Variants in GALE observed in about 807,000 individuals in gnomAD.
GALE encodes the protein UDP-glucose 4-epimerase.
A neutral mutation model predicts 44.1 loss-of-function variants in GALE; 32 were observed. The observed-to-expected ratio is 0.73, with a 90% CI of 0.55 to 0.97. The LOEUF is 0.97. GALE is among the 50% of genes least tolerant of loss of function. GALE has a pLI of 0.00. For synonymous variants in GALE, 182 were observed against 183.5 expected, an observed-to-expected ratio of 0.99 and a Z score of 0.06; for missense variants, 423 against 455.6, an observed-to-expected ratio of 0.93 and a Z score of 0.65.
In GALE at chr1:23,795,769, C is replaced by T. The variant is rs1638926360; in HGVS notation, c.*180G>A. ...CCTGTGGAAGATAAGAGTTAGAGAC[C>T]TCGGCCTCCTGGTCAGTGGAGCCCT... On this transcript the variant is annotated 3_prime_UTR_variant, in exon 12 of 12. Coordinates refer to ENST00000617979, the MANE Select transcript of GALE (RefSeq NM_001008216.2). The T allele has an allele frequency of 3.1e-6, 2 of 648,782 alleles. No individual in the cohort carries two copies. Among genetic ancestry groups the T allele is most frequent in the Non-Finnish European group, 2.8e-6 (1 of 358,862 alleles). The allele number at this position is 648,782 out of a possible 1,614,324, so 40.2% of individuals were successfully genotyped here.
At position 23,798,983 on chromosome 1, in the gene GALE, C is replaced by CTGT; in HGVS notation, c.22_24dup (p.Thr8dup). On this transcript the variant is annotated inframe_insertion, in exon 3 of 12. Coordinates refer to ENST00000617979, the MANE Select transcript of GALE (RefSeq NM_001008216.2). This position sits in a 1 kb window ranked among gnomAD's most constrained non-coding sequence, Gnocchi z 4.5. Reference sequence around the variant, plus strand: ...TGGCTGCCAATGTAGCCAGCCCCACCTGTTACCAGCACCTTCTCTGCCATG... The same window carrying CTGT: ...TGGCTGCCAATGTAGCCAGCCCCACCTGTTGTTACCAGCACCTTCTCTGCCATG... The CTGT allele has an allele frequency of 6.2e-7, 1 of 1,614,236 alleles. No homozygotes were observed. Among genetic ancestry groups the CTGT allele is most frequent in the Non-Finnish European group, 8.5e-7 (1 of 1,180,040 alleles).
chr1:23,797,563 C>T, intron 6 of GALE, 132 bp downstream of exon 6: 2 of 858,306 alleles, frequency 2.3e-6, no homozygotes, highest in South Asian at 1.4e-5. Context: ...GGGATGGGGC[C>T]CTCCACTGCA....
chr1:23,795,966 A>G lies in GALE; in HGVS notation c.1030T>C (p.Phe344Leu), dbSNP rs755315661. Reference sequence around the variant, plus strand: ...GAGGGTCCTCAGGCTTGCGTGCCAAAGCCTGAAGGATTCTGCTTCTGCCAG... The same window carrying G: ...GAGGGTCCTCAGGCTTGCGTGCCAAGGCCTGAAGGATTCTGCTTCTGCCAG... ...WRWQKQNPSG[F>L]GTQA The change falls in exon 12 of 12, where the codon TTT becomes CTT. Residue 344 changes from phenylalanine (F) to leucine (L), a missense_variant. Transcript: ENST00000617979. 2 of 1,614,060 alleles carry G rather than the reference A, an allele frequency of 1.2e-6. No individual in the cohort carries two copies. Among genetic ancestry groups the G allele is most frequent in the East Asian group, 4.5e-5 (2 of 44,882 alleles).
rs1395317374 is a variant in GALE at position 23,797,166 on chromosome 1, G to A, written c.529-19C>T. 1.3e-6 allele frequency: 2 copies of A among 1,564,502 alleles called. No individual in the cohort carries two copies. Among genetic ancestry groups the A allele is most frequent in the Non-Finnish European group, 1.7e-6 (2 of 1,143,534 alleles). On this transcript the variant is annotated intron_variant, in intron 6 of 11. Transcript: ENST00000617979. Reference sequence around the variant, plus strand: ...TCCAAGTCTGTGGGATGTGGGTCAGGTGGTGAGGCCAGAGGCACAGGCAGC... The same window carrying A: ...TCCAAGTCTGTGGGATGTGGGTCAGATGGTGAGGCCAGAGGCACAGGCAGC...
rs1019655843 is a variant in GALE at position 23,795,849 on chromosome 1, G to T, written c.*100C>A. The T allele has an allele frequency of 6.7e-6, 8 of 1,188,566 alleles. No individual in the cohort carries two copies. In the African/African-American group the frequency reaches 1.2e-4, roughly 18 times the overall value. 73.6% of individuals were successfully genotyped at this position (1,188,566 alleles called of 1,614,324 possible). On this transcript the variant is annotated 3_prime_UTR_variant, in exon 12 of 12. Transcript: ENST00000617979. The stretch of plus-strand genomic sequence containing the variant: ...CCAGCTGGGGTTTGAGGTAGGGGAG[G>T]CCTTGGCTTGGCCCCAGCAGCTCCA...
At chr1:23,799,487 G>T (rs2473382) in intron 1 of GALE, 51 bp from the exon 2 acceptor site, 1 of 271,338 alleles carries the variant, frequency 3.7e-6, no homozygotes, top group South Asian at 3.7e-5. Context: ...GTCGCAGGAA[G>T]GGGTTCTGTC....
At chr1:23,799,166 G>A (rs1639056601) in intron 2 of GALE, 154 bp from the exon 3 acceptor site, 1 of 918,304 alleles carries the variant, frequency 1.1e-6, no homozygotes, top group Admixed American at 2.1e-5. Context: ...GGGCAAGTCT[G>A]GGTACCATCA....
chr1:23,798,350 G>T lies in GALE; in HGVS notation c.238-120C>A. 2.6e-6 allele frequency: 2 copies of T among 779,512 alleles called. No individual in the cohort carries two copies. Among genetic ancestry groups the T allele is most frequent in the Non-Finnish European group, 4.4e-6 (2 of 455,108 alleles). The allele number at this position is 779,512 out of a possible 1,614,324, so 48.3% of individuals were successfully genotyped here. ...TTGACAGTCTCGCTCTGTTGTCCAGGCTGGAGTACAGTGGTGCCATCTCAG... is the reference window on the plus strand; with the variant it reads ...TTGACAGTCTCGCTCTGTTGTCCAGTCTGGAGTACAGTGGTGCCATCTCAG... On this transcript the variant is annotated intron_variant, in intron 4 of 11. Coordinates refer to ENST00000617979, the MANE Select transcript of GALE (RefSeq NM_001008216.2). This position sits in a 1 kb window ranked among gnomAD's most constrained non-coding sequence, Gnocchi z 4.5.
In GALE at chr1:23,796,234, C is replaced by T. The variant is rs137853861; in HGVS notation, c.905G>A (p.Gly302Asp). The T allele has an allele frequency of 9.3e-6, 15 of 1,614,150 alleles. No individual in the cohort carries two copies. The East Asian group carries it at 3.1e-4, about 34-fold the overall frequency. ...IPYKVVARREGDVAACYANPS... is the reference protein window; with the variant it reads ...IPYKVVARREDDVAACYANPS... Reference sequence around the variant, plus strand: ...GTTGGCGTAACAGGCTGCCACATCACCTTCCCGCCGTGCCACCACCTTGTA... The same window carrying T: ...GTTGGCGTAACAGGCTGCCACATCATCTTCCCGCCGTGCCACCACCTTGTA... Residue 302 changes from glycine to aspartate, a missense_variant, in exon 11 of 12, where the codon GGT (glycine) becomes GAT (aspartate). By Grantham distance (94) the Gly-to-Asp change is moderately conservative. Transcript: ENST00000617979. This position sits in a 1 kb window ranked among gnomAD's most constrained non-coding sequence, Gnocchi z 5.2.
At position 23,795,820 on chromosome 1, in the gene GALE, G is replaced by A. The variant is rs1286385337; in HGVS notation, c.*129C>T. ...TGGCCTCATGCCTGGTGGGCTAAGC[G>A]GGCCCAGCTGGGGTTTGAGGTAGGG... On this transcript the variant is annotated 3_prime_UTR_variant, in exon 12 of 12. Coordinates refer to ENST00000617979, the MANE Select transcript of GALE (RefSeq NM_001008216.2). 1.0e-5 allele frequency: 9 copies of A among 883,624 alleles called. No homozygotes were observed. The highest frequency in any genetic ancestry group is 1.7e-5 in the Non-Finnish European group (9 of 539,550). The allele number at this position is 883,624 out of a possible 1,614,324, so 54.7% of individuals were successfully genotyped here. A position where few individuals can be genotyped will look rare whatever the true frequency, so the allele number is the denominator to read the frequency against.
rs201239243 is a variant in GALE at position 23,796,708 on chromosome 1, A to G, written c.784T>C (p.Cys262Arg). The G allele has an allele frequency of 6.2e-7, 1 of 1,612,968 alleles. No homozygotes were observed. Among genetic ancestry groups the G allele is most frequent in the East Asian group, 2.2e-5 (1 of 44,864 alleles). Residue 262 changes from cysteine to arginine, a missense_variant, in exon 9 of 12, where the codon TGT becomes CGT. By Grantham distance (180) the Cys-to-Arg change is radical. Coordinates refer to ENST00000617979, the MANE Select transcript of GALE (RefSeq NM_001008216.2). The surrounding 1 kb of genome is among the most constrained non-coding windows in gnomAD (Gnocchi z 5.2). ...IAALRKLKEQ[C>R]GCRIYNLGTG... ...CCTTCTCTTCCTACCCGGCAGCCAC[A>G]CTGTTCTTTCAGCTTCCTTAAGGCT...
At position 23,797,023 on chromosome 1, in the gene GALE, T is replaced by C. The variant is rs1377890248; in HGVS notation, c.642+11A>G. On this transcript the variant is annotated intron_variant, in intron 7 of 11. Transcript: ENST00000617979. ...CAGGGCCACTCCTCTGTCCCTTCCC[T>C]TTTGCCTTACCTGGGAGACATAAGG... The C allele has an allele frequency of 6.2e-7, 1 of 1,610,964 alleles. No individual in the cohort carries two copies. Among genetic ancestry groups the C allele is most frequent in the Admixed American group, 1.7e-5 (1 of 59,556 alleles).
At position 23,795,815 on chromosome 1, in the gene GALE, T is replaced by C; in HGVS notation, c.*134A>G. ...GCCCTTGGCCTCATGCCTGGTGGGC[T>C]AAGCGGGCCCAGCTGGGGTTTGAGG... On this transcript the variant is annotated 3_prime_UTR_variant, in exon 12 of 12. Coordinates refer to ENST00000617979, the MANE Select transcript of GALE (RefSeq NM_001008216.2). The C allele has an allele frequency of 1.2e-6, 1 of 846,024 alleles. No homozygotes were observed. 52.4% of individuals were successfully genotyped at this position (846,024 alleles called of 1,614,324 possible). A position where few individuals can be genotyped will look rare whatever the true frequency, so the allele number is the denominator to read the frequency against.
chr1:23,797,410 G>A (rs975300946), intron 6 of GALE, among the ~76,000 whole-genome samples: 1 of 152,122 alleles, frequency 6.6e-6, no homozygotes, highest in East Asian at 1.9e-4. Context: ...GTAGAGATGG[G>A]GGTTTTACCA....
At chr1:23,797,982 G>T in intron 5 of GALE, 111 bp from the exon 6 acceptor site, 2 of 1,353,834 alleles carry the variant, frequency 1.5e-6, no homozygotes, top group South Asian at 1.2e-5. Flanking sequence ...ATTTACAGAT[G>T]GGGAAACTGA....
chr1:23,797,994 A>C, intron 5 of GALE, 123 bp from the exon 6 acceptor site: 1 of 1,327,752 alleles, frequency 7.5e-7, no homozygotes, highest in South Asian at 1.2e-5. Flanking sequence ...GGAAACTGAG[A>C]CTGGGAGGTA....
Position 23,798,106 on chromosome 1 carries a change from A to G in GALE, c.351+11T>C, listed in dbSNP as rs746587021. On this transcript the variant is annotated intron_variant, in intron 5 of 11. Transcript: ENST00000617979. This position sits in a 1 kb window ranked among gnomAD's most constrained non-coding sequence, Gnocchi z 4.5. ...CCTCCTAGTGTCTGTGCCCTGTCCC[A>G]TGCCTCTCACCTCCAGAAGCTGGAT... The G allele has an allele frequency of 9.4e-6, 15 of 1,602,082 alleles. No homozygotes were observed. The highest frequency in any genetic ancestry group is 7.7e-6 in the Non-Finnish European group (9 of 1,169,146).
chr1:23,798,658 A>C lies in GALE; in HGVS notation c.194T>G (p.Met65Arg). 1 of 1,613,802 alleles carries C rather than the reference A, an allele frequency of 6.2e-7. No individual in the cohort carries two copies. The highest frequency in any genetic ancestry group is 8.5e-7 in the Non-Finnish European group (1 of 1,179,850). Residue 65 changes from methionine (M) to arginine (R), a missense_variant, in exon 4 of 12, where the codon ATG becomes AGG. Met to Arg is a moderately conservative substitution (Grantham distance 91). Coordinates refer to ENST00000617979, the MANE Select transcript of GALE (RefSeq NM_001008216.2). The surrounding 1 kb of genome is among the most constrained non-coding windows in gnomAD (Gnocchi z 4.5). ...TAGGGCTCCCTGGTCCAAAATGTCC[A>C]TCTCCTCAAACTCCACAGAGCGGCC... ...LTGRSVEFEE[M>R]DILDQGALQR...
At position 23,796,849 on chromosome 1, in the gene GALE, C is replaced by T; in HGVS notation, c.709+27G>A. 2 of 1,611,476 alleles carry T rather than the reference C, an allele frequency of 1.2e-6. No individual in the cohort carries two copies. The highest frequency in any genetic ancestry group is 1.7e-6 in the Non-Finnish European group (2 of 1,178,812). ...CTGACTCTCCTTCCTGGCTCCCACT[C>T]CTAGGTCCCCCTGGTCCTAGGCTCA... On this transcript the variant is annotated intron_variant, in intron 8 of 11. Transcript: ENST00000617979. This position sits in a 1 kb window ranked among gnomAD's most constrained non-coding sequence, Gnocchi z 5.2.
Sources: gnomAD v4.1 joint callset for allele counts (sites outside exome capture counted in the v4.1 genomes callset) on GRCh38, gnomAD v4.1.1 for gene constraint, Gnocchi (gnomAD v3.1) non-coding constraint, MANE v1.5 for transcripts, NCBI Gene and HGNC (gene_info 2026-07-23, HGNC 2026-07-21) for gene names.